Variants in PALLD observed in about 807,000 individuals in gnomAD.
PALLD encodes palladin, cytoskeletal associated protein.
PALLD carries 61 observed loss-of-function variants against 123.5 expected under a neutral mutation model. That is an observed-to-expected ratio of 0.49 (90% CI 0.40 to 0.61). PALLD has a LOEUF of 0.61. PALLD is among the 20% of genes least tolerant of loss of function. PALLD has a pLI of 0.00. For missense variants in PALLD, 1,273 were observed against 1,377.0 expected, an observed-to-expected ratio of 0.92 and a Z score of 1.20; for synonymous variants, 465 against 496.4, an observed-to-expected ratio of 0.94 and a Z score of 0.84.
intron 2 of PALLD, among the ~76,000 whole-genome samples, chr4:168,552,017 C>T (rs1161478072): frequency 6.6e-6 from 1 of 152,042 alleles, no homozygotes; most frequent in Non-Finnish European, 1.5e-5. Context: ...AAGGGTAAAC[C>T]TTTGAGATGT....
chr4:168,645,393 C>T (rs1412497984), intron 2 of PALLD, among the ~76,000 whole-genome samples: 2 of 152,184 alleles, frequency 1.3e-5, no homozygotes, highest in African/African-American at 4.8e-5. Flanking sequence ...GCTTACAATA[C>T]AGATAAGATG....
chr4:168,759,059 A>G lies in PALLD; in HGVS notation c.1964+47136A>G, dbSNP rs1165387547. ...CCAGGCGTGATAGCAGGTACCTGTA[A>G]TCCCAGCTACTCAGGAGGCTGAGGC... On this transcript the variant is annotated intron_variant, in intron 10 of 21. Transcript: ENST00000505667. 4.0e-5 allele frequency among the ~76,000 whole-genome samples: 6 copies of G among 150,384 alleles called. No homozygotes were observed. In the Admixed American group the frequency reaches 4.0e-4, roughly 10 times the overall value.
At chr4:168,913,107 T>G (rs1400533691) in intron 15 of PALLD, among the ~76,000 whole-genome samples, 1 of 151,254 alleles carries the variant, frequency 6.6e-6, no homozygotes, top group Non-Finnish European at 1.5e-5. Flanking sequence ...CTCATTTTAA[T>G]GTATGGTTTG....
chr4:168,908,853 G>A (rs1002095076), intron 15 of PALLD, among the ~76,000 whole-genome samples: 2 of 152,118 alleles, frequency 1.3e-5, no homozygotes, highest in Non-Finnish European at 2.9e-5. Context: ...CAAGGAGGGA[G>A]GAAAATATTA....
Position 168,666,096 on chromosome 4 carries a change from A to T in PALLD, c.909-2094A>T, listed in dbSNP as rs867640587. On this transcript the variant is annotated intron_variant, in intron 2 of 21. Coordinates refer to ENST00000505667, the MANE Select transcript of PALLD (RefSeq NM_001166108.2). The stretch of plus-strand genomic sequence containing the variant: ...TATAAAAACCATTCTTAGCTCAAGG[A>T]CCTTATAAAAACAGGCAGTAGGCTT... Among the ~76,000 whole-genome samples, 17 of 152,168 alleles carry T rather than the reference A, an allele frequency of 1.1e-4. No homozygotes were observed. The East Asian group carries it at 2.7e-3, about 24-fold the overall frequency.
intron 10 of PALLD, among the ~76,000 whole-genome samples, chr4:168,749,020 C>G (rs1466209933): frequency 2.0e-5 from 3 of 152,094 alleles, no homozygotes; most frequent in Non-Finnish European, 4.4e-5. Flanking sequence ...AATGTAATCC[C>G]CAGTGTTGGA....
intron 10 of PALLD, among the ~76,000 whole-genome samples, chr4:168,785,306 C>T (rs375559319): frequency 1.3e-5 from 2 of 152,008 alleles, no homozygotes; most frequent in Non-Finnish European, 2.9e-5. Flanking sequence ...GTTCGACATC[C>T]GAAAGTGAAT....
At chr4:168,727,135 A>C (rs566085247) in intron 10 of PALLD, among the ~76,000 whole-genome samples, 3 of 152,310 alleles carry the variant, frequency 2.0e-5, no homozygotes, top group Non-Finnish European at 2.9e-5. Flanking sequence ...ACTGATGGGC[A>C]CCTAGGTTGA....
At chr4:168,836,936 G>A (rs1244031230) in intron 10 of PALLD, among the ~76,000 whole-genome samples, 2 of 152,176 alleles carry the variant, frequency 1.3e-5, no homozygotes, top group East Asian at 3.8e-4. Flanking sequence ...CATGGTTTTT[G>A]TGGGAAAATG....
At position 168,924,242 on chromosome 4, in the gene PALLD, C is replaced by T; in HGVS notation, c.3059-13C>T. On this transcript the variant is annotated splice_polypyrimidine_tract_variant and intron_variant, in intron 18 of 21. Coordinates refer to ENST00000505667, the MANE Select transcript of PALLD (RefSeq NM_001166108.2). ...TATATCATTGATAGAGAATTCATCT[C>T]ATGTTTTCTTAGCTAAAGAAGCACA... 3 of 1,610,978 alleles carry T rather than the reference C, an allele frequency of 1.9e-6. No individual in the cohort carries two copies. The highest frequency in any genetic ancestry group is 2.5e-6 in the Non-Finnish European group (3 of 1,177,240).
intron 10 of PALLD, among the ~76,000 whole-genome samples, chr4:168,810,436 C>T (rs1740903898): frequency 1.3e-5 from 2 of 151,972 alleles, no homozygotes; most frequent in Non-Finnish European, 2.9e-5. Context: ...TGGTGGATCA[C>T]CTGAGGTCAG....
intron 10 of PALLD, among the ~76,000 whole-genome samples, chr4:168,865,868 G>A (rs1409607984): frequency 3.9e-5 from 6 of 152,134 alleles, no homozygotes; most frequent in African/African-American, 9.7e-5. Flanking sequence ...AAGAAAGACC[G>A]AGAATGATTT....
intron 3 of PALLD, among the ~76,000 whole-genome samples, chr4:168,669,548 A>G (rs1779972759): frequency 6.6e-6 from 1 of 152,182 alleles, no homozygotes; most frequent in Non-Finnish European, 1.5e-5. Context: ...ACATTGAGTT[A>G]TGATGATACC....
At chr4:168,559,748 T>C (rs1388284704) in intron 2 of PALLD, among the ~76,000 whole-genome samples, 1 of 151,790 alleles carries the variant, frequency 6.6e-6, no homozygotes, top group African/African-American at 2.4e-5. Flanking sequence ...AATACAAAAA[T>C]TAGCCAGATA....
intron 10 of PALLD, among the ~76,000 whole-genome samples, chr4:168,727,446 A>T (rs1409660029): frequency 6.6e-6 from 1 of 151,878 alleles, no homozygotes; most frequent in African/African-American, 2.4e-5. Flanking sequence ...CATGGTTTTG[A>T]TTTGCATTTC....
chr4:168,820,217 A>G (rs796334628), intron 10 of PALLD, among the ~76,000 whole-genome samples: 3 of 152,374 alleles, frequency 2.0e-5, no homozygotes, highest in African/African-American at 7.2e-5. Context: ...ATTGGCAGCA[A>G]TGCCATGTGC....
At chr4:168,803,558 C>T (rs116165680) in intron 10 of PALLD, among the ~76,000 whole-genome samples, 2,006 of 152,020 alleles carry the variant, frequency 0.013, 44 homozygotes, top group African/African-American at 0.045. Flanking sequence ...TTATGGCGCA[C>T]GCCTGCAGTC....
At chr4:168,722,381 AG>A (rs1425450524) in intron 10 of PALLD, among the ~76,000 whole-genome samples, 9 of 152,244 alleles carry the variant, frequency 5.9e-5, no homozygotes, top group African/African-American at 2.2e-4. Flanking sequence ...CAACATTTAC[AG>A]TATAATCCAT....
rs144351790 is a variant in PALLD at position 168,846,502 on chromosome 4, C to T, written c.1965-44420C>T. On this transcript the variant is annotated intron_variant, in intron 10 of 21. Transcript: ENST00000505667. Reference sequence around the variant, plus strand: ...AAATGAATTTTAAACACCCGTTATGCGAGGGAGAGTAGGTATGGTCTGTAA... The same window carrying T: ...AAATGAATTTTAAACACCCGTTATGTGAGGGAGAGTAGGTATGGTCTGTAA... Among the ~76,000 whole-genome samples, 420 of 152,142 alleles carry T rather than the reference C, an allele frequency of 2.8e-3. 8 individuals are homozygous for T. The highest frequency in any genetic ancestry group is 1.0e-3 in the Non-Finnish European group (68 of 68,006).
Sources: allele counts gnomAD v4.1 joint callset (sites outside exome capture counted in the v4.1 genomes callset), GRCh38; gene constraint gnomAD v4.1.1; transcripts MANE v1.5; gene names NCBI Gene and HGNC (gene_info 2026-07-23, HGNC 2026-07-21).